MAST4: variants seen among roughly 807,000 people sequenced by gnomAD.
The protein encoded by MAST4 is microtubule-associated serine/threonine-protein kinase 4.
MAST4 carries 89 observed loss-of-function variants against 162.7 expected under a neutral mutation model. The observed-to-expected ratio is 0.55, with a 90% CI of 0.46 to 0.65. The LOEUF is 0.65. Among genes scored for constraint, MAST4 ranks in the 30% least tolerant of loss-of-function variants. MAST4 has a pLI of 0.00. For synonymous variants in MAST4, 1,479 were observed against 1,361.1 expected (o/e 1.09, Z -1.91); for missense variants, 3,153 against 3,374.0 (o/e 0.93, Z 1.62).
chr5:66,731,955 A>G (rs1160522261), intron 1 of MAST4, among the ~76,000 whole-genome samples: 1 of 151,978 alleles, frequency 6.6e-6, no homozygotes, highest in Admixed American at 6.6e-5. Context: ...CCCTTCAGGT[A>G]GGCAGGAAGA....
chr5:66,774,994 CCTGTGTGTGT>C (rs1754519901), intron 2 of MAST4, among the ~76,000 whole-genome samples: 3 of 102,124 alleles, frequency 2.9e-5, no homozygotes, highest in African/African-American at 1.2e-4. Context: ...ATATCCTTTT[CCTGTGTGTGT>C]GTGTGTGTGT....
intron 1 of MAST4, among the ~76,000 whole-genome samples, chr5:66,733,306 C>G (rs2149558486): frequency 6.6e-6 from 1 of 150,940 alleles, no homozygotes; most frequent in Non-Finnish European, 1.5e-5. Context: ...CGTTTCCCCT[C>G]CCTCTTCCCC....
chr5:66,914,095 C>G (rs1166517093), intron 4 of MAST4, among the ~76,000 whole-genome samples: 1 of 151,718 alleles, frequency 6.6e-6, no homozygotes, highest in African/African-American at 2.4e-5. Flanking sequence ...GTTGTTTTGG[C>G]TGTTCTAGTT....
At chr5:66,805,980 T>C (rs1392606244) in intron 3 of MAST4, among the ~76,000 whole-genome samples, 7 of 152,224 alleles carry the variant, frequency 4.6e-5, no homozygotes, top group African/African-American at 1.7e-4. Context: ...CCAACTGCCA[T>C]GCTAGCGGTA....
intron 4 of MAST4, among the ~76,000 whole-genome samples, chr5:66,915,337 T>C (rs1764041955): frequency 6.6e-6 from 1 of 152,000 alleles, no homozygotes; most frequent in Non-Finnish European, 1.5e-5. Flanking sequence ...CATGTTTTCT[T>C]CTGAGGAGAA....
At chr5:66,808,346 C>A (rs7736147) in intron 3 of MAST4, among the ~76,000 whole-genome samples, 49,434 of 152,078 alleles carry the variant, frequency 0.33, 8,283 homozygotes, top group Non-Finnish European at 0.35. Context: ...TGGGCAGCCC[C>A]TCTGGCTTGC....
rs922003428 is a variant in MAST4, at chr5:67,104,708, A to C, written c.1356+133A>C. The C allele has an allele frequency of 6.2e-5, 41 of 658,452 alleles. No individual in the cohort carries two copies. In the African/African-American group the frequency reaches 7.1e-4, roughly 11 times the overall value. 40.8% of individuals were successfully genotyped at this position (658,452 alleles called of 1,614,324 possible). A position where few individuals can be genotyped will look rare whatever the true frequency, so the allele number is the denominator to read the frequency against. ...AAGCAAAAAAGAAGGAAAAAAAAAAAAAAACTCACCTGATTGCTACTTGCT... is the reference window on the plus strand; with the variant it reads ...AAGCAAAAAAGAAGGAAAAAAAAAACAAAACTCACCTGATTGCTACTTGCT... On this transcript the variant is annotated intron_variant, in intron 10 of 28. Transcript: ENST00000403625.
intron 3 of MAST4, among the ~76,000 whole-genome samples, chr5:66,816,032 C>G (rs1756700132): frequency 6.6e-6 from 1 of 152,196 alleles, no homozygotes; most frequent in Non-Finnish European, 1.5e-5. Flanking sequence ...ATCCAGTTCA[C>G]TGAACTTCAA....
intron 1 of MAST4, among the ~76,000 whole-genome samples, chr5:66,643,877 T>TG (rs1745644450): frequency 8.6e-6 from 1 of 116,228 alleles, no homozygotes; most frequent in Admixed American, 8.4e-5. Flanking sequence ...CAATAGCTTG[T>TG]GTTTTTTTTT....
At chr5:66,713,698 A>G (rs2149527291) in intron 1 of MAST4, among the ~76,000 whole-genome samples, 1 of 152,202 alleles carries the variant, frequency 6.6e-6, no homozygotes, top group East Asian at 1.9e-4. Context: ...TGTGGGGTAT[A>G]TTGTGATGCT....
At chr5:66,638,841 A>C (rs975018614) in intron 1 of MAST4, among the ~76,000 whole-genome samples, 1 of 152,178 alleles carries the variant, frequency 6.6e-6, no homozygotes, top group Non-Finnish European at 1.5e-5. Flanking sequence ...TCGGTGCTCA[A>C]AAGTTTCAAG....
At chr5:66,732,423 C>A (rs1244125529) in intron 1 of MAST4, among the ~76,000 whole-genome samples, 5 of 152,174 alleles carry the variant, frequency 3.3e-5, no homozygotes, top group African/African-American at 9.7e-5. Flanking sequence ...TTAACATTGC[C>A]TCTTCTTCCT....
At chr5:66,918,342 T>C (rs1764254000) in intron 4 of MAST4, among the ~76,000 whole-genome samples, 1 of 152,188 alleles carries the variant, frequency 6.6e-6, no homozygotes, top group Admixed American at 6.5e-5. Context: ...AAGTGCACAA[T>C]ACACCATGTA....
chr5:67,093,736 T>C, intron 6 of MAST4: 1 of 398,496 alleles, frequency 2.5e-6, no homozygotes, highest in Admixed American at 2.5e-5. Context: ...GGAAGGAGAG[T>C]TAATGCATCA....
chr5:66,819,874 A>G (rs910115873), intron 3 of MAST4, among the ~76,000 whole-genome samples: 1 of 151,278 alleles, frequency 6.6e-6, no homozygotes, highest in Non-Finnish European at 1.5e-5. Context: ...CCCAGGCTCA[A>G]TTGATCCTCC....
chr5:67,092,155 C>T (rs1156840401), intron 6 of MAST4, among the ~76,000 whole-genome samples: 3 of 152,146 alleles, frequency 2.0e-5, no homozygotes, highest in Non-Finnish European at 4.4e-5. Flanking sequence ...GAAGTAATGT[C>T]ATTTTGAGAC....
chr5:66,932,954 A>G (rs957240216), intron 4 of MAST4, among the ~76,000 whole-genome samples: 3 of 152,192 alleles, frequency 2.0e-5, no homozygotes, highest in African/African-American at 4.8e-5. Context: ...GGCATCTAGT[A>G]AACATAGCTT....
chr5:67,137,996 G>A (rs1769881868), intron 19 of MAST4, among the ~76,000 whole-genome samples: 1 of 152,182 alleles, frequency 6.6e-6, no homozygotes, highest in Non-Finnish European at 1.5e-5. Context: ...AGCACCTTGT[G>A]TCTTTTTTAC....
In MAST4 at chr5:67,169,582, T is replaced by G. The variant is rs1774388301; in HGVS notation, c.*2531T>G. On this transcript the variant is annotated 3_prime_UTR_variant, in exon 29 of 29. Transcript: ENST00000403625. ...AGTTGCATAACATTGAAATAAAAAT[T>G]TAGCATGAAAAGATAATGACTCGTA... 1 of 152,210 alleles carries G rather than the reference T, an allele frequency of 6.6e-6. No homozygotes were observed. 9.4% of individuals were successfully genotyped at this position (152,210 alleles called of 1,614,324 possible).
Sources: gnomAD v4.1 joint callset for allele counts (sites outside exome capture counted in the v4.1 genomes callset) on GRCh38, gnomAD v4.1.1 for gene constraint, MANE v1.5 for transcripts, NCBI Gene and HGNC (gene_info 2026-07-23, HGNC 2026-07-21) for gene names.